Variants in GSG1L observed in about 807,000 individuals in gnomAD.
GSG1L encodes GSG1 like.
Under a neutral mutation model 42.1 loss-of-function variants are expected in GSG1L, and 24 were observed. The ratio of observed to expected loss-of-function variants is 0.57; its 90% CI spans 0.41 to 0.80. The LOEUF (loss-of-function observed/expected upper bound fraction) is 0.80, where lower values mean the gene tolerates loss of function less well. Ranked by LOEUF, GSG1L falls within the 30% of genes least tolerant of loss-of-function variation. GSG1L has a pLI of 0.00. For missense variants in GSG1L, 445 were observed against 472.2 expected, an observed-to-expected ratio of 0.94 and a Z score of 0.53; for synonymous variants, 215 against 203.5, an observed-to-expected ratio of 1.06 and a Z score of -0.48.
chr16:27,962,339 C>A (rs2085081034), intron 2 of GSG1L, among the ~76,000 whole-genome samples: 1 of 152,180 alleles, frequency 6.6e-6, no homozygotes, highest in African/African-American at 2.4e-5. Context: ...CTTCTGGGAA[C>A]CTTAGAGTTT....
chr16:27,931,477 C>G (rs1345118688), intron 2 of GSG1L, among the ~76,000 whole-genome samples: 1 of 152,196 alleles, frequency 6.6e-6, no homozygotes, highest in Non-Finnish European at 1.5e-5. Context: ...AAGAGATACT[C>G]AGAGGCACTC....
intron 2 of GSG1L, among the ~76,000 whole-genome samples, chr16:27,887,370 G>A (rs151042592): frequency 2.7e-3 from 415 of 152,310 alleles, no homozygotes; most frequent in African/African-American, 9.2e-3. Flanking sequence ...AAGAGAGGCA[G>A]AGCCAAGAGA....
chr16:27,862,508 A>G (rs1223428218), intron 3 of GSG1L, among the ~76,000 whole-genome samples: 1 of 152,212 alleles, frequency 6.6e-6, no homozygotes, highest in Non-Finnish European at 1.5e-5. Flanking sequence ...CAGAATTGTG[A>G]GCTAAGAAAT....
At chr16:27,806,197 G>T (rs1232571685) in intron 6 of GSG1L, among the ~76,000 whole-genome samples, 1 of 152,100 alleles carries the variant, frequency 6.6e-6, no homozygotes, top group East Asian at 1.9e-4. Context: ...AAACCATGAT[G>T]TGTGAGCCCA....
At chr16:27,854,866 G>T (rs536118173) in intron 3 of GSG1L, among the ~76,000 whole-genome samples, 1 of 152,138 alleles carries the variant, frequency 6.6e-6, no homozygotes, top group African/African-American at 2.4e-5. Context: ...GATTGGGTGG[G>T]AATGAGATCC....
chr16:28,049,735 G>A (rs960033446), intron 1 of GSG1L, among the ~76,000 whole-genome samples: 2 of 151,270 alleles, frequency 1.3e-5, no homozygotes, highest in Non-Finnish European at 2.9e-5. Flanking sequence ...TGATCAATCA[G>A]CAAGGACTAA....
intron 4 of GSG1L, among the ~76,000 whole-genome samples, chr16:27,834,170 A>G (rs947559616): frequency 2.6e-5 from 4 of 152,144 alleles, no homozygotes; most frequent in Non-Finnish European, 4.4e-5. Flanking sequence ...ATTGTGTCAA[A>G]TGCTTTTTCT....
At chr16:27,845,241 TTTTC>T (rs1236482910) in intron 3 of GSG1L, among the ~76,000 whole-genome samples, 180 bp from the exon 4 acceptor site, 3 of 152,292 alleles carry the variant, frequency 2.0e-5, no homozygotes, top group South Asian at 4.1e-4. Flanking sequence ...GGTAGTTCTC[TTTTC>T]TTTCTTTCTT....
intron 2 of GSG1L, among the ~76,000 whole-genome samples, chr16:27,904,570 C>T (rs535786414): frequency 6.6e-6 from 1 of 152,166 alleles, no homozygotes; most frequent in East Asian, 1.9e-4. Context: ...TCTAATGTTC[C>T]AATGGTTTCC....
At chr16:27,976,220 A>G (rs1253601548) in intron 1 of GSG1L, among the ~76,000 whole-genome samples, 1 of 152,174 alleles carries the variant, frequency 6.6e-6, no homozygotes, top group Non-Finnish European at 1.5e-5. Context: ...GGTTGCAGTG[A>G]GCCAAGATTG....
At chr16:28,036,064 AC>A (rs1286509234) in intron 1 of GSG1L, among the ~76,000 whole-genome samples, 1 of 152,090 alleles carries the variant, frequency 6.6e-6, no homozygotes, top group Non-Finnish European at 1.5e-5. Context: ...TTCTTCCCCC[AC>A]ATCCACCCAC....
intron 5 of GSG1L, among the ~76,000 whole-genome samples, chr16:27,808,110 G>T (rs930776355): frequency 2.0e-5 from 3 of 151,882 alleles, no homozygotes; most frequent in African/African-American, 4.8e-5. Context: ...CCAGAGACAA[G>T]GTCTCACTCT....
At chr16:27,911,299 T>TCTCTCTCTCTC (rs2141052831) in intron 2 of GSG1L, among the ~76,000 whole-genome samples, 1 of 149,626 alleles carries the variant, frequency 6.7e-6, no homozygotes, top group African/African-American at 2.5e-5. Context: ...CTCTCTCCTC[T>TCTCTCTCTCTC]CTCTCTTTTG....
At chr16:27,984,491 C>T (rs901353251) in intron 1 of GSG1L, among the ~76,000 whole-genome samples, 8 of 152,148 alleles carry the variant, frequency 5.3e-5, no homozygotes, top group South Asian at 4.1e-4. Context: ...CATTGGGTGA[C>T]GGAAGCCCAG....
intron 4 of GSG1L, among the ~76,000 whole-genome samples, chr16:27,836,078 C>T (rs553477403): frequency 9.9e-5 from 15 of 152,128 alleles, no homozygotes; most frequent in Admixed American, 9.2e-4. Context: ...TCGTGATTTC[C>T]CCTTCATTTC....
At chr16:28,062,882 T>A (rs1347190211) in intron 1 of GSG1L, among the ~76,000 whole-genome samples, 194 bp downstream of exon 1, 1 of 151,620 alleles carries the variant, frequency 6.6e-6, no homozygotes, top group African/African-American at 2.4e-5. Flanking sequence ...GTCCCGCACG[T>A]CCCCCCATGC....
chr16:27,962,204 C>T (rs1253111190), intron 2 of GSG1L, among the ~76,000 whole-genome samples: 1 of 152,194 alleles, frequency 6.6e-6, no homozygotes, highest in Admixed American at 6.5e-5. Flanking sequence ...TAACAAAACT[C>T]CTGACTTTCA....
At chr16:28,058,620 C>CA (rs66952573) in intron 1 of GSG1L, among the ~76,000 whole-genome samples, 18,237 of 82,450 alleles carry the variant, frequency 0.22, 1,675 homozygotes, top group Admixed American at 0.33. Flanking sequence ...AGAACAAGAC[C>CA]AAAAAAAAAA....
chr16:27,857,439 A>AG (rs1036565725), intron 3 of GSG1L, among the ~76,000 whole-genome samples: 6 of 151,002 alleles, frequency 4.0e-5, no homozygotes, highest in East Asian at 3.9e-4. Flanking sequence ...AAAAAAAAAA[A>AG]AAAGAAAGAA....
Sources: gnomAD v4.1 joint callset for allele counts (sites outside exome capture counted in the v4.1 genomes callset) on GRCh38, gnomAD v4.1.1 for gene constraint, MANE v1.5 for transcripts, NCBI Gene and HGNC (gene_info 2026-07-23, HGNC 2026-07-21) for gene names.